NELL1: variants seen among roughly 807,000 people sequenced by gnomAD.
NELL1 encodes neural EGFL like 1.
Under a neutral mutation model 107.4 loss-of-function variants are expected in NELL1, and 76 were observed. The observed-to-expected ratio is 0.71, with a 90% confidence interval of 0.59 to 0.86. The LOEUF is 0.86. NELL1 is among the 40% of genes least tolerant of loss of function. The probability of loss-of-function intolerance (pLI) is 0.00; values close to 1 mark genes in which losing one functional copy is unlikely to be tolerated. For missense variants in NELL1, 1,024 were observed against 1,005.5 expected (o/e 1.02, Z -0.25); for synonymous variants, 353 against 341.2 (o/e 1.03, Z -0.38).
chr11:20,710,992 AT>A (rs901299391), intron 2 of NELL1, among the ~76,000 whole-genome samples: 2 of 149,718 alleles, frequency 1.3e-5, no homozygotes, highest in Admixed American at 1.3e-4. Flanking sequence ...TGTTTTATTT[AT>A]TTTTTTTGTA....
chr11:21,464,995 G>A (rs1445112472), intron 15 of NELL1, among the ~76,000 whole-genome samples: 6 of 152,122 alleles, frequency 3.9e-5, no homozygotes. Flanking sequence ...ACTTTGAAAG[G>A]CAGGTATGAT....
rs10566953 is a variant in NELL1, at chr11:21,374,887, C to CTGTGTGTG, written c.1645+3973_1645+3980dup. 8.2e-3 allele frequency among the ~76,000 whole-genome samples: 1,186 copies of CTGTGTGTG among 143,834 alleles called. 8 individuals are homozygous for CTGTGTGTG. The highest frequency in any genetic ancestry group is 0.041 in the South Asian group (173 of 4,242). The allele number at this position is 143,834 out of a possible 152,430, so 94.4% of individuals were successfully genotyped here. A position where few individuals can be genotyped will look rare whatever the true frequency, so the allele number is the denominator to read the frequency against. On this transcript the variant is annotated intron_variant, in intron 15 of 19. Transcript: ENST00000357134. Reference sequence around the variant, plus strand: ...GCTGTGTGGAACTGACTGTGTGTGTCTGTGTGTGTGTGTGTGTGTGTGTGT... The same window carrying CTGTGTGTG: ...GCTGTGTGGAACTGACTGTGTGTGTCTGTGTGTGTGTGTGTGTGTGTGTGTGTGTGTGT...
intron 15 of NELL1, among the ~76,000 whole-genome samples, chr11:21,533,772 CTG>C (rs1259564804): frequency 1.3e-5 from 2 of 152,156 alleles, no homozygotes; most frequent in African/African-American, 4.8e-5. Flanking sequence ...AGTTCCCAAA[CTG>C]TGTTCCCCAC....
chr11:21,309,495 G>A (rs957791513), intron 14 of NELL1, among the ~76,000 whole-genome samples: 1 of 151,340 alleles, frequency 6.6e-6, no homozygotes, highest in African/African-American at 2.4e-5. Context: ...TGAGTGGATG[G>A]GAACTTTTAG....
chr11:20,975,655 AT>A (rs1851594367), intron 12 of NELL1, among the ~76,000 whole-genome samples: 1 of 133,804 alleles, frequency 7.5e-6, no homozygotes, highest in Non-Finnish European at 1.6e-5. Context: ...TAATGTATGT[AT>A]TATATAATAT....
chr11:21,050,121 T>C (rs187557548), intron 12 of NELL1, among the ~76,000 whole-genome samples: 2 of 152,262 alleles, frequency 1.3e-5, no homozygotes, highest in East Asian at 1.9e-4. Flanking sequence ...AAATATAAGA[T>C]ATAATTATCT....
intron 12 of NELL1, among the ~76,000 whole-genome samples, chr11:21,034,635 C>T (rs1853044194): frequency 6.6e-6 from 1 of 152,128 alleles, no homozygotes; most frequent in Non-Finnish European, 1.5e-5. Flanking sequence ...TAATAATATG[C>T]TCCTGAATAG....
intron 2 of NELL1, chr11:20,769,347 A>G (rs777025998): frequency 6.6e-6 from 1 of 152,392 alleles, no homozygotes; most frequent in African/African-American, 2.4e-5. Context: ...AAAGGGCAGA[A>G]TGTTTCAAAA....
chr11:20,782,269 G>C (rs1473571114), intron 2 of NELL1, among the ~76,000 whole-genome samples: 3 of 152,142 alleles, frequency 2.0e-5, no homozygotes, highest in Non-Finnish European at 4.4e-5. Flanking sequence ...AAGTAGCGAA[G>C]GCCTTGCTAC....
chr11:21,105,789 TCCCCAACCTTCCCCTTCC>T (rs1854941846), intron 12 of NELL1, among the ~76,000 whole-genome samples: 3 of 21,228 alleles, frequency 1.4e-4, no homozygotes, highest in South Asian at 2.5e-3. Flanking sequence ...TCCCCTCCCC[TCCCCAACCTTCCCCTTCC>T]CTCCTCTCCC....
At position 20,866,767 on chromosome 11, in the gene NELL1, T is replaced by G. The variant is rs186190885; in HGVS notation, c.507-18677T>G. Among the ~76,000 whole-genome samples, 327 of 152,318 alleles carry G rather than the reference T, an allele frequency of 2.1e-3. 3 individuals carry two copies. Among genetic ancestry groups the G allele is most frequent in the African/African-American group, 7.5e-3 (312 of 41,562 alleles). ...TCTTTTATTGTCTTTGAAGGACTAT[T>G]CATTGTGTAAAATTATCTTGATCAG... On this transcript the variant is annotated intron_variant, in intron 4 of 19. Transcript: ENST00000357134.
rs1459526075 is a variant in NELL1, at chr11:21,409,733, A to AATG, written c.1645+38785_1645+38786insATG. On this transcript the variant is annotated intron_variant, in intron 15 of 19. Transcript: ENST00000357134. ...AGGCTATTACATTGACATCACATTT[A>AATG]TTCCCCATATAAACTGGTCAGATTT... Among the ~76,000 whole-genome samples, 98 of 152,148 alleles carry AATG rather than the reference A, an allele frequency of 6.4e-4. 1 individual carries two copies. The South Asian group carries it at 0.02, about 31-fold the overall frequency.
At chr11:21,410,309 A>G (rs950246488) in intron 15 of NELL1, among the ~76,000 whole-genome samples, 5 of 152,024 alleles carry the variant, frequency 3.3e-5, no homozygotes, top group South Asian at 2.1e-4. Flanking sequence ...AAACTGAGAA[A>G]CCTTTAGTTA....
intron 13 of NELL1, among the ~76,000 whole-genome samples, chr11:21,185,594 C>T (rs1268999466): frequency 1.3e-5 from 2 of 151,732 alleles, no homozygotes; most frequent in Non-Finnish European, 2.9e-5. Flanking sequence ...TGCACCTGGC[C>T]CTATCGTTTT....
intron 2 of NELL1, among the ~76,000 whole-genome samples, chr11:20,702,533 C>G (rs891287056): frequency 3.3e-5 from 5 of 152,142 alleles, no homozygotes; most frequent in Non-Finnish European, 7.3e-5. Context: ...CTGGCCAGAA[C>G]TTCCAACACT....
intron 15 of NELL1, among the ~76,000 whole-genome samples, chr11:21,381,904 ATTTTTTTTTTTTT>A (rs149327802): frequency 0.021 from 1,886 of 91,470 alleles, 50 homozygotes; most frequent in African/African-American, 0.072. Context: ...CCTGGAAGGG[ATTTTTTTTTTTTT>A]TTTTTTTTTT....
At chr11:21,402,876 C>G (rs186264360) in intron 15 of NELL1, among the ~76,000 whole-genome samples, 5 of 151,790 alleles carry the variant, frequency 3.3e-5, no homozygotes, top group Non-Finnish European at 7.4e-5. Flanking sequence ...AGCCCTGAAA[C>G]AGAGCTGAAT....
At chr11:21,131,305 C>T (rs1855610953) in intron 13 of NELL1, among the ~76,000 whole-genome samples, 1 of 152,142 alleles carries the variant, frequency 6.6e-6, no homozygotes, top group Admixed American at 6.5e-5. Context: ...ATGTTATTAT[C>T]CACCTATTAA....
chr11:21,292,763 A>G lies in NELL1; in HGVS notation c.1549+63309A>G, dbSNP rs138974098. 4.2e-3 allele frequency among the ~76,000 whole-genome samples: 638 copies of G among 152,280 alleles called. 11 individuals are homozygous for G. Among genetic ancestry groups the G allele is most frequent in the Admixed American group, 0.03 (458 of 15,290 alleles). On this transcript the variant is annotated intron_variant, in intron 14 of 19. Transcript: ENST00000357134. ...ACCAATGGAACAGAACAGAGGCCTCAGAAATGCTCATAATGCTACACATCT... is the reference window on the plus strand; with the variant it reads ...ACCAATGGAACAGAACAGAGGCCTCGGAAATGCTCATAATGCTACACATCT...
Sources: gnomAD v4.1 joint callset for allele counts (sites outside exome capture counted in the v4.1 genomes callset) on GRCh38, gnomAD v4.1.1 for gene constraint, MANE v1.5 for transcripts, NCBI Gene and HGNC (gene_info 2026-07-23, HGNC 2026-07-21) for gene names.